Variants in AJUBA observed in about 807,000 individuals in gnomAD.
AJUBA encodes ajuba LIM protein.
AJUBA carries 20 observed loss-of-function variants against 53.3 expected under a neutral mutation model. The ratio of observed to expected loss-of-function variants is 0.38; its 90% confidence interval spans 0.26 to 0.55. The LOEUF is 0.55. Ranked by LOEUF, AJUBA falls within the 20% of genes least tolerant of loss-of-function variation. The pLI is 0.80. For missense variants in AJUBA, 580 were observed against 730.5 expected, an observed-to-expected ratio of 0.79 and a Z score of 2.38; for synonymous variants, 296 against 306.2, an observed-to-expected ratio of 0.97 and a Z score of 0.35.
chr14:22,979,218 G>T lies in AJUBA; in HGVS notation c.1007-773C>A, dbSNP rs1210888598. On this transcript the variant is annotated intron_variant, in intron 1 of 7. Coordinates refer to ENST00000262713, the MANE Select transcript of AJUBA (RefSeq NM_032876.6). The surrounding 1 kb of genome is among the most constrained non-coding windows in gnomAD (Gnocchi z 4.0). ...CACTAAGATATATACACCTGGCTCT[G>T]GGACTTGCCTTTCCTGGGTGTGTTC... is the stretch of plus-strand genomic sequence containing the variant. 1.1e-6 allele frequency: 1 copy of T among 894,154 alleles called. No homozygotes were observed. Among genetic ancestry groups the T allele is most frequent in the African/African-American group, 1.8e-5 (1 of 55,210 alleles). 55.4% of individuals were successfully genotyped at this position (894,154 alleles called of 1,614,324 possible).
rs2045067094 is a variant in AJUBA at position 22,979,381 on chromosome 14, A to T, written c.1007-936T>A. Among the ~76,000 whole-genome samples, 1 of 152,120 alleles carries T rather than the reference A, an allele frequency of 6.6e-6. No individual in the cohort carries two copies. The highest frequency in any genetic ancestry group is 1.5e-5 in the Non-Finnish European group (1 of 68,020). On this transcript the variant is annotated intron_variant, in intron 1 of 7. Transcript: ENST00000262713. This position sits in a 1 kb window ranked among gnomAD's most constrained non-coding sequence, Gnocchi z 4.0. The stretch of plus-strand genomic sequence containing the variant: ...CTCCCTGCCTGTTGGGGCCCATCCC[A>T]GTCTTTGCCCAGGGGCTTGGGAGCC...
chr14:22,982,397 C>CACAGG lies in AJUBA; in HGVS notation c.-132_-131insCCTGT. 2.0e-6 allele frequency: 3 copies of CACAGG among 1,472,730 alleles called. No homozygotes were observed. The South Asian group carries it at 4.1e-5, about 20-fold the overall frequency. The allele number at this position is 1,472,730 out of a possible 1,614,324, so 91.2% of individuals were successfully genotyped here. On this transcript the variant is annotated 5_prime_UTR_variant, in exon 1 of 8. An upstream open reading frame in the 5' UTR loses its in-frame stop. Transcript: ENST00000262713. Reference sequence around the variant, plus strand: ...AGGGGAGGCACAGGGGCTTAGCGGGCGGCCTGGATGCCCTGCGCCAGGAAT... The same window carrying CACAGG: ...AGGGGAGGCACAGGGGCTTAGCGGGCACAGGGGCCTGGATGCCCTGCGCCAGGAAT...
intron 2 of AJUBA, 187 bp from the exon 3 acceptor site, chr14:22,976,899 T>C (rs547935184): frequency 3.2e-4 from 446 of 1,412,534 alleles, no homozygotes; most frequent in Non-Finnish European, 3.4e-4. Context: ...TTGGCTTCAT[T>C]CCAGCCAACT....
At position 22,973,444 on chromosome 14, in the gene AJUBA, C is replaced by T. The variant is rs925103264; in HGVS notation, c.1616G>A (p.Ter539=). 2 of 1,608,496 alleles carry T rather than the reference C, an allele frequency of 1.2e-6. No homozygotes were observed. Among genetic ancestry groups the T allele is most frequent in the African/African-American group, 2.7e-5 (2 of 74,852 alleles). The part of the protein sequence containing the change: ...NARQPPANYI[*] The stretch of plus-strand genomic sequence containing the variant: ...GACAGCAGCAGCAGTGATTGCAGCT[C>T]AGATATAGTTGGCAGGGGGTTGTCG... The change falls in exon 8 of 8, where the codon TGA becomes TAA. Residue 539 remains the stop codon, a stop_retained_variant. Transcript: ENST00000262713.
rs1214094875 is a variant in AJUBA at position 22,976,148 on chromosome 14, C to CAA, written c.1239+306_1239+307dup. ...ACTTTGTCAGAGCGAGACTCTGTCT[C>CAA]AAAAAAAAAAAAAAAAAAAAGACTC... On this transcript the variant is annotated intron_variant, in intron 4 of 7. Transcript: ENST00000262713. 7.4e-3 allele frequency among the ~76,000 whole-genome samples: 613 copies of CAA among 83,006 alleles called. 5 individuals carry two copies. Among genetic ancestry groups the CAA allele is most frequent in the South Asian group, 8.8e-3 (16 of 1,822 alleles). The allele number at this position is 83,006 out of a possible 152,430, so 54.5% of individuals were successfully genotyped here.
At chr14:22,973,945 G>T in intron 7 of AJUBA, 102 bp downstream of exon 7, 1 of 1,347,830 alleles carries the variant, frequency 7.4e-7, no homozygotes, top group Non-Finnish European at 1.1e-6. Flanking sequence ...GGTTTCCCAT[G>T]CCCTACACCT....
rs543300480 is a variant in AJUBA at position 22,979,882 on chromosome 14, G to T, written c.1006+1379C>A. Reference sequence around the variant, plus strand: ...ACTTCTTTACTAGCCACCTCTCCTGGGCCTCAAAATGAAACTGCTAAATGG... The same window carrying T: ...ACTTCTTTACTAGCCACCTCTCCTGTGCCTCAAAATGAAACTGCTAAATGG... On this transcript the variant is annotated intron_variant, in intron 1 of 7. Transcript: ENST00000262713. This position sits in a 1 kb window ranked among gnomAD's most constrained non-coding sequence, Gnocchi z 4.0. 5.3e-5 allele frequency among the ~76,000 whole-genome samples: 8 copies of T among 151,632 alleles called. No individual in the cohort carries two copies. The East Asian group carries it at 1.4e-3, about 26-fold the overall frequency.
At position 22,981,789 on chromosome 14, in the gene AJUBA, T is replaced by C. The variant is rs1395536346; in HGVS notation, c.478A>G (p.Asn160Asp). The C allele has an allele frequency of 1.3e-6, 2 of 1,534,146 alleles. No homozygotes were observed. The highest frequency in any genetic ancestry group is 1.7e-6 in the Non-Finnish European group (2 of 1,146,310). The part of the protein sequence containing the change: ...GGAGGSRPCS[N>D]RTSGISMGYD... ...CCCATGCTGATGCCGCTGGTGCGAT[T>C]GCTGCAGGGCCGGCTACCTCCAGCT... is the stretch of plus-strand genomic sequence containing the variant. The change falls in exon 1 of 8, where the codon AAT becomes GAT. Residue 160 changes from asparagine to aspartate, a missense_variant. By Grantham distance (23) the Asn-to-Asp change is conservative. This residue lies in a region of AJUBA where 430 missense variants were observed against 471.5 expected (regional missense o/e 0.91). Transcript: ENST00000262713.
chr14:22,980,462 A>G (rs2045076180), intron 1 of AJUBA: 1 of 433,696 alleles, frequency 2.3e-6, no homozygotes, highest in South Asian at 9.5e-5. Flanking sequence ...AGGCCAAGTT[A>G]TTTCTGGCAA....
chr14:22,978,345 A>G lies in AJUBA; in HGVS notation c.1107T>C (p.Cys369=). ...YHTQCFVCCS[C]GRTLRCKAFY... Reference sequence around the variant, plus strand: ...CTTGAGTATTGGGGCTACACTCACCACAAGAGCAGCAAACAAAGCACTGGG... The same window carrying G: ...CTTGAGTATTGGGGCTACACTCACCGCAAGAGCAGCAAACAAAGCACTGGG... The change falls in exon 2 of 8, where the codon TGT becomes TGC. Residue 369 remains cysteine, a splice_region_variant and synonymous_variant. Coordinates refer to ENST00000262713, the MANE Select transcript of AJUBA (RefSeq NM_032876.6). 2.5e-6 allele frequency: 4 copies of G among 1,613,376 alleles called. No individual in the cohort carries two copies. Among genetic ancestry groups the G allele is most frequent in the Non-Finnish European group, 3.4e-6 (4 of 1,179,432 alleles).
chr14:22,975,817 C>G (rs1208421549), intron 4 of AJUBA: 2 of 149,898 alleles, frequency 1.3e-5, no homozygotes, highest in African/African-American at 5.0e-5. Context: ...CACTGGACTC[C>G]AGCCTGGGCA....
rs1301711037 is a variant in AJUBA, at chr14:22,981,706, G to T, written c.561C>A (p.Pro187=). 1.3e-6 allele frequency: 2 copies of T among 1,527,014 alleles called. No homozygotes were observed. Among genetic ancestry groups the T allele is most frequent in the South Asian group, 2.4e-5 (2 of 81,990 alleles). 94.6% of individuals were successfully genotyped at this position (1,527,014 alleles called of 1,614,324 possible). A position where few individuals can be genotyped will look rare whatever the true frequency, so the allele number is the denominator to read the frequency against. Residue 187 remains proline, a synonymous_variant, in exon 1 of 8, where the codon CCC becomes CCA. Coordinates refer to ENST00000262713, the MANE Select transcript of AJUBA (RefSeq NM_032876.6). ...LPAGPCLFGP[P]LAGAPAGYSP... The stretch of plus-strand genomic sequence containing the variant: ...AATAGCCTGCCGGTGCTCCGGCCAG[G>T]GGTGGGCCAAACAGGCACGGCCCCG...
intron 1 of AJUBA, 156 bp from the exon 2 acceptor site, chr14:22,978,601 A>G (rs2045059742): frequency 7.1e-7 from 1 of 1,418,394 alleles, no homozygotes; most frequent in Non-Finnish European, 9.2e-7. Flanking sequence ...GAGATGCAGC[A>G]AGATCTTGGC....
chr14:22,982,397 C>G lies in AJUBA; in HGVS notation c.-131G>C. Reference sequence around the variant, plus strand: ...AGGGGAGGCACAGGGGCTTAGCGGGCGGCCTGGATGCCCTGCGCCAGGAAT... The same window carrying G: ...AGGGGAGGCACAGGGGCTTAGCGGGGGGCCTGGATGCCCTGCGCCAGGAAT... On this transcript the variant is annotated 5_prime_UTR_variant, in exon 1 of 8. Transcript: ENST00000262713. The G allele has an allele frequency of 6.8e-7, 1 of 1,472,730 alleles. No homozygotes were observed. Among genetic ancestry groups the G allele is most frequent in the Non-Finnish European group, 8.9e-7 (1 of 1,122,654 alleles). The allele number at this position is 1,472,730 out of a possible 1,614,324, so 91.2% of individuals were successfully genotyped here.
In AJUBA at chr14:22,981,660, C is replaced by T; in HGVS notation, c.607G>A (p.Ala203Thr). 3.3e-6 allele frequency: 5 copies of T among 1,511,746 alleles called. No individual in the cohort carries two copies. The highest frequency in any genetic ancestry group is 4.4e-6 in the Non-Finnish European group (5 of 1,131,822). 93.6% of individuals were successfully genotyped at this position (1,511,746 alleles called of 1,614,324 possible). A position where few individuals can be genotyped will look rare whatever the true frequency, so the allele number is the denominator to read the frequency against. ...AGYSPGGVPS[A>T]YPELHAALDR... ...AGGGCGGCGTGGAGCTCCGGGTAGG[C>T]GGACGGGACCCCTCCGGGAGAATAG... is the stretch of plus-strand genomic sequence containing the variant. The change falls in exon 1 of 8, where the codon GCC becomes ACC. Residue 203 changes from alanine (A) to threonine (T), a missense_variant. Transcript: ENST00000262713.
chr14:22,980,019 G>T (rs749514287), intron 1 of AJUBA, among the ~76,000 whole-genome samples: 15 of 151,924 alleles, frequency 9.9e-5, no homozygotes, highest in Non-Finnish European at 2.2e-4. Flanking sequence ...GCTGGGGGTT[G>T]AGTTATGCCC....
rs1187511372 is a variant in AJUBA, at chr14:22,972,718, T to A, written c.*725A>T. Reference sequence around the variant, plus strand: ...GAGGTCCAGAGTTTCTACCTCTTCATCCAGATATAGGTGCGGGACCCCATA... The same window carrying A: ...GAGGTCCAGAGTTTCTACCTCTTCAACCAGATATAGGTGCGGGACCCCATA... On this transcript the variant is annotated 3_prime_UTR_variant, in exon 8 of 8. Coordinates refer to ENST00000262713, the MANE Select transcript of AJUBA (RefSeq NM_032876.6). The A allele has an allele frequency of 1.3e-5, 2 of 152,560 alleles. No homozygotes were observed. Among genetic ancestry groups the A allele is most frequent in the African/African-American group, 4.8e-5 (2 of 41,420 alleles). 9.5% of individuals were successfully genotyped at this position (152,560 alleles called of 1,614,324 possible). A position where few individuals can be genotyped will look rare whatever the true frequency, so the allele number is the denominator to read the frequency against.
At chr14:22,978,759 G>T (rs1429525704) in intron 1 of AJUBA, 2 of 1,205,736 alleles carry the variant, frequency 1.7e-6, no homozygotes, top group East Asian at 1.1e-4. Context: ...TTCTGTTGGG[G>T]AGAAAAGACT....
chr14:22,982,393 C>G lies in AJUBA; in HGVS notation c.-127G>C. ...GCACAGGGGAGGCACAGGGGCTTAGCGGGCGGCCTGGATGCCCTGCGCCAG... is the reference window on the plus strand; with the variant it reads ...GCACAGGGGAGGCACAGGGGCTTAGGGGGCGGCCTGGATGCCCTGCGCCAG... On this transcript the variant is annotated 5_prime_UTR_variant, in exon 1 of 8. Transcript: ENST00000262713. 2.0e-6 allele frequency: 3 copies of G among 1,479,516 alleles called. No homozygotes were observed. In the South Asian group the frequency reaches 4.1e-5, roughly 20 times the overall value. The allele number at this position is 1,479,516 out of a possible 1,614,324, so 91.6% of individuals were successfully genotyped here.
Sources: allele counts gnomAD v4.1 joint callset (sites outside exome capture counted in the v4.1 genomes callset), GRCh38; gene constraint gnomAD v4.1.1; regional missense constraint gnomAD v4.1.1; non-coding constraint Gnocchi (gnomAD v3.1); transcripts MANE v1.5; gene names NCBI Gene and HGNC (gene_info 2026-07-23, HGNC 2026-07-21).